Variants in ADGRD2 observed in about 807,000 individuals in gnomAD.
The protein encoded by ADGRD2 is adhesion G protein-coupled receptor D2.
In ADGRD2, 71 loss-of-function variants were observed where a neutral mutation model predicts 44.4. That is an observed-to-expected ratio of 1.60 (90% CI 1.32 to 1.95). ADGRD2 has a LOEUF of 1.95. ADGRD2 is among the 30% of genes most tolerant of loss of function. The pLI, the probability that ADGRD2 is intolerant of heterozygous loss-of-function variation, is 0.00. For synonymous variants in ADGRD2, 481 were observed against 224.8 expected (o/e 2.14, Z -10.19); for missense variants, 1,039 against 512.4 (o/e 2.03, Z -9.92).
At chr9:124,469,906 C>T (rs543551387) in intron 16 of ADGRD2, among the ~76,000 whole-genome samples, 27 of 152,278 alleles carry the variant, frequency 1.8e-4, no homozygotes, top group African/African-American at 5.5e-4. Flanking sequence ...CAGGGTTAGC[C>T]CCAGAAGTTC....
chr9:124,476,575 C>T, intron 20 of ADGRD2, 104 bp from the exon 24 acceptor site: 1 of 638,892 alleles, frequency 1.6e-6, no homozygotes. Flanking sequence ...GGAGGGGGAG[C>T]TGCTGGCGGC....
At chr9:124,466,639 G>T in intron 11 of ADGRD2, 1 of 353,620 alleles carries the variant, frequency 2.8e-6, no homozygotes, top group Non-Finnish European at 5.1e-6. Context: ...GCAAAACCCC[G>T]TCTCTACCAA....
rs147783345 is a variant in ADGRD2 at position 124,454,314 on chromosome 9, G to C, written c.1023-170G>C. Among the ~76,000 whole-genome samples, 16 of 152,328 alleles carry C rather than the reference G, an allele frequency of 1.1e-4. No individual in the cohort carries two copies. The East Asian group carries it at 3.1e-3, about 29-fold the overall frequency. ...CTTGGGCAAGCTCTTTTGCCATTCT[G>C]TGCCTCAGTTTCCCCATCTAGAACA... On this transcript the variant is annotated intron_variant, in intron 4 of 21. Transcript: ENST00000334810. The surrounding 1 kb of genome is among the most constrained non-coding windows in gnomAD (Gnocchi z 4.5).
At chr9:124,455,045 A>C in exon 6 of ADGRD2, 1 of 718,140 alleles carries the variant, frequency 1.4e-6, no homozygotes, top group South Asian at 1.5e-5. Flanking sequence ...GGCCCCTGGG[A>C]GCAGCTGAGC....
intron 12 of ADGRD2, 83 bp downstream of exon 15, chr9:124,467,907 C>T: frequency 1.4e-6 from 1 of 709,350 alleles, no homozygotes. Flanking sequence ...GGTCGGGTGT[C>T]CATCCTTGGT....
Position 124,470,488 on chromosome 9 carries a change from C to G in ADGRD2, c.2638-6C>G. On this transcript the variant is annotated splice_polypyrimidine_tract_variant and splice_region_variant and intron_variant, in intron 16 of 21. Coordinates refer to ENST00000334810, the Ensembl canonical transcript of ADGRD2. ...ACCCCCGTCAGCCCTGCCTGCCCTC[C>G]TACAGGGCCACGGTGAAGCCCGTGC... is the stretch of plus-strand genomic sequence containing the variant. 1.4e-6 allele frequency: 1 copy of G among 709,298 alleles called. No individual in the cohort carries two copies. The allele number at this position is 709,298 out of a possible 1,614,324, so 43.9% of individuals were successfully genotyped here.
chr9:124,451,997 G>GCCGGGGGGGGGCCCCCCCCCCCCCC, upstream of ADGRD2: 1 of 360,938 alleles, frequency 2.8e-6, no homozygotes, highest in Non-Finnish European at 5.5e-6. Context: ...TCCACTGAAT[G>GCCGGGGGGGGGCCCCCCCCCCCCCC]CCCCCCTCCC....
intron 17 of ADGRD2, among the ~76,000 whole-genome samples, chr9:124,474,470 G>A (rs538672725): frequency 6.6e-6 from 1 of 152,114 alleles, no homozygotes; most frequent in African/African-American, 2.4e-5. Context: ...GGCTGGGCCT[G>A]GAGACCTGGG....
chr9:124,453,605 G>T, exon 3 of ADGRD2: 3 of 700,836 alleles, frequency 4.3e-6, no homozygotes, highest in Non-Finnish European at 5.2e-6. Flanking sequence ...CTGCTCTTCC[G>T]CTGGGACCCG....
intron 2 of ADGRD2, 137 bp from the exon 6 acceptor site, chr9:124,452,898 C>CTAA: frequency 1.7e-6 from 1 of 604,744 alleles, no homozygotes; most frequent in South Asian, 2.0e-5. Context: ...CAGGGGAACT[C>CTAA]TAGCCCCCAT....
At chr9:124,474,022 T>A (rs1252906328) in intron 17 of ADGRD2, among the ~76,000 whole-genome samples, 1 of 152,056 alleles carries the variant, frequency 6.6e-6, no homozygotes, top group Non-Finnish European at 1.5e-5. Flanking sequence ...ACGCCTGTAA[T>A]CCCAGCACTT....
At chr9:124,452,296 G>C in intron 1 of ADGRD2, 142 bp downstream of exon 4, 1 of 634,102 alleles carries the variant, frequency 1.6e-6, no homozygotes, top group East Asian at 2.7e-5. Flanking sequence ...GCCCTGCGAG[G>C]AACGCTTCAC....
intron 17 of ADGRD2, among the ~76,000 whole-genome samples, chr9:124,472,645 T>C (rs1831970750): frequency 6.6e-6 from 1 of 152,178 alleles, no homozygotes; most frequent in African/African-American, 2.4e-5. Flanking sequence ...TAGCTGGGAT[T>C]ACAGGCACCT....
At chr9:124,451,997 G>GCCGGGGGGGGGGCC, upstream of ADGRD2, 1 of 360,938 alleles carries the variant, frequency 2.8e-6, no homozygotes, top group Non-Finnish European at 5.5e-6. Context: ...TCCACTGAAT[G>GCCGGGGGGGGGGCC]CCCCCCTCCC....
At chr9:124,468,893 C>G (rs998588582) in intron 14 of ADGRD2, among the ~76,000 whole-genome samples, 64 of 152,182 alleles carry the variant, frequency 4.2e-4, no homozygotes, top group African/African-American at 1.5e-3. Flanking sequence ...CATCCCCATT[C>G]CTCATAATCC....
chr9:124,470,676 G>A (rs1831931588), intron 17 of ADGRD2, 62 bp downstream of exon 20: 1 of 656,988 alleles, frequency 1.5e-6, no homozygotes, highest in South Asian at 1.6e-5. Flanking sequence ...CAGAGGGGAC[G>A]ACTAGGGTGT....
chr9:124,467,458 C>G, intron 11 of ADGRD2: 1 of 465,454 alleles, frequency 2.1e-6, no homozygotes, highest in African/African-American at 2.0e-5. Context: ...CCCGTGGGCA[C>G]GTTTGTCAGC....
chr9:124,463,550 C>G (rs990686113), intron 10 of ADGRD2, among the ~76,000 whole-genome samples: 1 of 152,176 alleles, frequency 6.6e-6, no homozygotes, highest in African/African-American at 2.4e-5. Context: ...ATCAGCTTCT[C>G]CAGTGAATTC....
In ADGRD2 at chr9:124,452,735, C is replaced by A; in HGVS notation, c.281+13C>A. The A allele has an allele frequency of 1.4e-6, 1 of 704,464 alleles. No individual in the cohort carries two copies. 43.6% of individuals were successfully genotyped at this position (704,464 alleles called of 1,614,324 possible). Reference sequence around the variant, plus strand: ...CCCCCACAGAGGCGTGAGTGTGGGCCCCTGGGAAATGGGAGCAAGGGGCAG... The same window carrying A: ...CCCCCACAGAGGCGTGAGTGTGGGCACCTGGGAAATGGGAGCAAGGGGCAG... On this transcript the variant is annotated intron_variant, in intron 2 of 21. Coordinates refer to ENST00000334810, the Ensembl canonical transcript of ADGRD2.
Sources: allele counts gnomAD v4.1 joint callset (sites outside exome capture counted in the v4.1 genomes callset), GRCh38; gene constraint gnomAD v4.1.1; non-coding constraint Gnocchi (gnomAD v3.1); transcripts MANE v1.5; gene names NCBI Gene and HGNC (gene_info 2026-07-23, HGNC 2026-07-21).